The following ANKS1B variants were observed in gnomAD, a reference collection of about 807,000 sequenced individuals.
ANKS1B encodes ankyrin repeat and sterile alpha motif domain containing 1B, also known as ankyrin repeat and sterile alpha motif domain-containing protein 1B.
In ANKS1B, 36 loss-of-function variants were observed where a neutral mutation model predicts 148.3. The ratio of observed to expected loss-of-function variants is 0.24; its 90% CI spans 0.19 to 0.32. The LOEUF is 0.32. Ranked by LOEUF, ANKS1B falls within the 10% of genes least tolerant of loss-of-function variation. ANKS1B has a pLI of 1.00. For missense variants in ANKS1B, 1,157 were observed against 1,542.6 expected (o/e 0.75, Z 4.19); for synonymous variants, 542 against 560.8 (o/e 0.97, Z 0.47).
chr12:99,704,213 A>C (rs1415986115), intron 8 of ANKS1B, among the ~76,000 whole-genome samples: 1 of 152,074 alleles, frequency 6.6e-6, no homozygotes, highest in Non-Finnish European at 1.5e-5. Context: ...AACAGTAAGG[A>C]AAGTCCTCTG....
chr12:99,434,960 T>C (rs1479514638), intron 11 of ANKS1B, among the ~76,000 whole-genome samples: 1 of 152,038 alleles, frequency 6.6e-6, no homozygotes, highest in Non-Finnish European at 1.5e-5. Flanking sequence ...AAATTACATT[T>C]CATGTTTAGG....
chr12:98,971,867 G>A (rs1432768786), intron 17 of ANKS1B, among the ~76,000 whole-genome samples: 2 of 152,048 alleles, frequency 1.3e-5, no homozygotes, highest in Non-Finnish European at 2.9e-5. Flanking sequence ...GGTTCTCTTT[G>A]GAAATTTCAC....
chr12:99,902,109 G>A (rs572778297), intron 1 of ANKS1B, among the ~76,000 whole-genome samples: 1 of 152,238 alleles, frequency 6.6e-6, no homozygotes, highest in East Asian at 1.9e-4. Context: ...AATAAATAAT[G>A]GGAGAAGATA....
At chr12:99,711,811 A>G (rs753776884) in intron 8 of ANKS1B, among the ~76,000 whole-genome samples, 1 of 152,222 alleles carries the variant, frequency 6.6e-6, no homozygotes, top group Non-Finnish European at 1.5e-5. Context: ...ATCTAAAGAC[A>G]GAAATACAAT....
At chr12:99,358,598 C>T (rs980344845) in intron 12 of ANKS1B, among the ~76,000 whole-genome samples, 1 of 152,052 alleles carries the variant, frequency 6.6e-6, no homozygotes, top group Non-Finnish European at 1.5e-5. Flanking sequence ...ACTAGTACCA[C>T]AGTTTTTAAC....
intron 12 of ANKS1B, among the ~76,000 whole-genome samples, chr12:99,334,179 C>T (rs865852702): frequency 3.4e-4 from 43 of 127,036 alleles, no homozygotes; most frequent in Middle Eastern, 4.0e-3. Flanking sequence ...GACAGACAGA[C>T]AGATAGATAG....
chr12:98,854,885 C>T (rs1000737726), intron 17 of ANKS1B, among the ~76,000 whole-genome samples: 2 of 152,188 alleles, frequency 1.3e-5, no homozygotes, highest in Admixed American at 6.5e-5. Context: ...CTTGGCCGGG[C>T]GCGGTGGCTC....
At chr12:99,030,555 G>A (rs1420673301) in intron 17 of ANKS1B, among the ~76,000 whole-genome samples, 2 of 150,794 alleles carry the variant, frequency 1.3e-5, no homozygotes, top group Non-Finnish European at 2.9e-5. Flanking sequence ...ACCTCCTCCT[G>A]TACCATATAC....
intron 12 of ANKS1B, among the ~76,000 whole-genome samples, chr12:99,286,472 G>A (rs754666788): frequency 6.6e-6 from 1 of 152,060 alleles, no homozygotes; most frequent in East Asian, 2.0e-4. Context: ...GTGACTGAGT[G>A]CATTCCCAGC....
At chr12:99,405,360 T>C (rs1013443464) in intron 11 of ANKS1B, among the ~76,000 whole-genome samples, 3 of 145,614 alleles carry the variant, frequency 2.1e-5, no homozygotes, top group African/African-American at 7.8e-5. Context: ...CAATAAGACA[T>C]AAATAGAAAC....
chr12:99,840,404 G>A (rs900553044), intron 1 of ANKS1B, among the ~76,000 whole-genome samples: 6 of 152,010 alleles, frequency 3.9e-5, no homozygotes, highest in East Asian at 3.9e-4. Context: ...GAAAGCCATC[G>A]GAGAGTTTTG....
intron 9 of ANKS1B, among the ~76,000 whole-genome samples, chr12:99,512,769 G>C (rs2096779383): frequency 6.6e-6 from 1 of 152,070 alleles, no homozygotes; most frequent in Admixed American, 6.6e-5. Flanking sequence ...GATGGAGCTG[G>C]AAGCCATTTT....
chr12:98,991,519 T>C (rs968095930), intron 17 of ANKS1B, among the ~76,000 whole-genome samples: 3 of 152,228 alleles, frequency 2.0e-5, no homozygotes, highest in African/African-American at 2.4e-5. Context: ...AATACAACCA[T>C]GTAATGTTTA....
At chr12:98,795,637 A>G (rs112804197) in intron 22 of ANKS1B, 5,781 of 451,662 alleles carry the variant, frequency 0.013, 63 homozygotes, top group Non-Finnish European at 0.018. Flanking sequence ...ACATCTGTTT[A>G]TTATTTGCAC....
At chr12:99,821,644 A>G (rs1342719201) in intron 2 of ANKS1B, among the ~76,000 whole-genome samples, 1 of 152,056 alleles carries the variant, frequency 6.6e-6, no homozygotes, top group Non-Finnish European at 1.5e-5. Flanking sequence ...CTTACCTACC[A>G]ATGCCAATCT....
chr12:99,007,038 C>T (rs1201037703), intron 17 of ANKS1B, among the ~76,000 whole-genome samples: 1 of 147,282 alleles, frequency 6.8e-6, no homozygotes, highest in Non-Finnish European at 1.5e-5. Flanking sequence ...AATTAAAACC[C>T]AAAATAGATA....
At chr12:98,910,268 C>T (rs774914198) in intron 17 of ANKS1B, among the ~76,000 whole-genome samples, 32 of 152,234 alleles carry the variant, frequency 2.1e-4, no homozygotes, top group African/African-American at 6.0e-4. Context: ...TGTGTCTGTA[C>T]GCATCTCAGT....
rs755765620 is a variant in ANKS1B, at chr12:99,974,734, C to T, written c.134+9370G>A. Among the ~76,000 whole-genome samples the T allele has an allele frequency of 1.2e-3, 188 of 151,938 alleles. 3 individuals carry two copies. The highest frequency in any genetic ancestry group is 3.4e-3 in the Middle Eastern group (1 of 294). ...ATCACTTGAGCCCTCAACAACAGACCCCAACAGACAGGGTTTCCCTATGTT... is the reference window on the plus strand; with the variant it reads ...ATCACTTGAGCCCTCAACAACAGACTCCAACAGACAGGGTTTCCCTATGTT... On this transcript the variant is annotated intron_variant, in intron 1 of 26. Transcript: ENST00000683438.
intron 25 of ANKS1B, among the ~76,000 whole-genome samples, chr12:98,762,695 C>A (rs2098425983): frequency 6.6e-6 from 1 of 152,222 alleles, no homozygotes; most frequent in Non-Finnish European, 1.5e-5. Context: ...CCTTTCCTGT[C>A]CTCCCAACCC....
Sources: allele counts gnomAD v4.1 joint callset (sites outside exome capture counted in the v4.1 genomes callset), GRCh38; gene constraint gnomAD v4.1.1; transcripts MANE v1.5; gene names NCBI Gene and HGNC (gene_info 2026-07-23, HGNC 2026-07-21).